SHISA9: variants seen among roughly 807,000 people sequenced by gnomAD.
The protein encoded by SHISA9 is shisa family member 9, also known as protein shisa-9.
SHISA9 carries 13 observed loss-of-function variants against 38.0 expected under a neutral mutation model. The observed-to-expected ratio is 0.34, with a 90% CI of 0.22 to 0.54. The LOEUF (loss-of-function observed/expected upper bound fraction) is 0.54, where lower values mean the gene tolerates loss of function less well. Among genes scored for constraint, SHISA9 ranks in the 20% least tolerant of loss-of-function variants. The pLI is 0.91. For missense variants in SHISA9, 538 were observed against 575.8 expected (o/e 0.93, Z 0.67); for synonymous variants, 275 against 242.0 (o/e 1.14, Z -1.27).
chr16:13,178,314 C>A (rs1046341678), intron 2 of SHISA9, among the ~76,000 whole-genome samples: 1 of 151,286 alleles, frequency 6.6e-6, no homozygotes, highest in East Asian at 1.9e-4. Flanking sequence ...GTAAGCCCAT[C>A]CCTCTCTCTG....
chr16:13,519,103 GAGAA>G, the SHISA9 span, among the ~76,000 whole-genome samples: 2 of 151,896 alleles, frequency 1.3e-5, no homozygotes, highest in African/African-American at 2.4e-5. Context: ...TCACAAAAAA[GAGAA>G]AGAAAAAAAC....
chr16:13,435,094 C>T, the SHISA9 span, among the ~76,000 whole-genome samples: 2 of 152,200 alleles, frequency 1.3e-5, no homozygotes, highest in South Asian at 4.1e-4. Context: ...TTTACTGAAT[C>T]CATTATGTTA....
At chr16:13,330,912 G>A in the SHISA9 span, among the ~76,000 whole-genome samples, 32 of 152,282 alleles carry the variant, frequency 2.1e-4, no homozygotes, top group South Asian at 3.7e-3. Flanking sequence ...TGTACAGTGT[G>A]TAAGACAGAT....
chr16:13,158,512 A>G (rs2050566722), intron 2 of SHISA9, among the ~76,000 whole-genome samples: 1 of 152,138 alleles, frequency 6.6e-6, no homozygotes, highest in South Asian at 2.1e-4. Flanking sequence ...TGCGCACTGG[A>G]TATTGCCGCA....
chr16:13,276,398 G>A, the SHISA9 span, among the ~76,000 whole-genome samples: 5 of 152,014 alleles, frequency 3.3e-5, no homozygotes, highest in South Asian at 2.1e-4. Flanking sequence ...TATCTTTTTC[G>A]TATAATGACT....
chr16:13,190,271 C>T (rs1465942728), intron 2 of SHISA9, among the ~76,000 whole-genome samples: 1 of 150,344 alleles, frequency 6.7e-6, no homozygotes, highest in Non-Finnish European at 1.5e-5. Context: ...TGATATTCCC[C>T]TTCCTGTGTC....
At chr16:13,070,654 T>C (rs1239620381) in intron 2 of SHISA9, among the ~76,000 whole-genome samples, 4 of 152,374 alleles carry the variant, frequency 2.6e-5, no homozygotes, top group Non-Finnish European at 4.4e-5. Context: ...AGGACAATCA[T>C]AGCTAACACC....
chr16:13,175,213 A>AG (rs1555468176), intron 2 of SHISA9, among the ~76,000 whole-genome samples: 1 of 151,850 alleles, frequency 6.6e-6, no homozygotes, highest in African/African-American at 2.4e-5. Context: ...CAAAAAAAAA[A>AG]GAAAGAAAAA....
intron 2 of SHISA9, among the ~76,000 whole-genome samples, chr16:12,926,170 G>T (rs1221742374): frequency 1.3e-5 from 2 of 152,160 alleles, no homozygotes; most frequent in Non-Finnish European, 2.9e-5. Context: ...TCAAACCACA[G>T]ACATGAACTA....
intron 4 of SHISA9, among the ~76,000 whole-genome samples, chr16:13,228,091 A>G (rs2051296625): frequency 6.6e-6 from 1 of 152,216 alleles, no homozygotes. Context: ...GGTTAATATT[A>G]TCCCCATTTC....
At chr16:13,248,547 C>T in the SHISA9 span, among the ~76,000 whole-genome samples, 2 of 152,106 alleles carry the variant, frequency 1.3e-5, no homozygotes, top group Non-Finnish European at 2.9e-5. Context: ...ATTTTCAGAG[C>T]CTAGTTTTTC....
At chr16:12,957,195 C>T (rs1051233345) in intron 2 of SHISA9, among the ~76,000 whole-genome samples, 1 of 152,184 alleles carries the variant, frequency 6.6e-6, no homozygotes, top group African/African-American at 2.4e-5. Flanking sequence ...TGACATTCTT[C>T]TCTAGCAATG....
At chr16:13,309,194 G>A in the SHISA9 span, among the ~76,000 whole-genome samples, 1 of 152,054 alleles carries the variant, frequency 6.6e-6, no homozygotes, top group African/African-American at 2.4e-5. Context: ...GGGCCAGGGG[G>A]TAATGTTGGG....
chr16:12,994,669 A>G (rs147926345), intron 2 of SHISA9, among the ~76,000 whole-genome samples: 2 of 152,320 alleles, frequency 1.3e-5, no homozygotes, highest in African/African-American at 4.8e-5. Flanking sequence ...GTATCCAACC[A>G]CTAAGATTTC....
intron 2 of SHISA9, among the ~76,000 whole-genome samples, chr16:12,990,180 A>T (rs2072366499): frequency 6.6e-6 from 1 of 152,266 alleles, no homozygotes; most frequent in South Asian, 2.1e-4. Context: ...CCAGTCTGTC[A>T]TTGATGGGCA....
chr16:12,971,055 C>A (rs561330665), intron 2 of SHISA9, among the ~76,000 whole-genome samples: 37 of 152,234 alleles, frequency 2.4e-4, no homozygotes, highest in African/African-American at 8.7e-4. Context: ...AGGAGAAGAA[C>A]CAGGAAATCT....
chr16:13,326,899 C>G, the SHISA9 span, among the ~76,000 whole-genome samples: 3 of 152,048 alleles, frequency 2.0e-5, no homozygotes, highest in Non-Finnish European at 4.4e-5. Context: ...TCTCTCCTCT[C>G]TGTGCCTTAT....
chr16:12,928,314 T>TGTTGTGTGTG (rs142507427), intron 2 of SHISA9, among the ~76,000 whole-genome samples: 7 of 150,934 alleles, frequency 4.6e-5, no homozygotes, highest in Non-Finnish European at 1.0e-4. Flanking sequence ...CAGAGGTTGG[T>TGTTGTGTGTG]TGTGTGTGTG....
chr16:13,275,548 T>C, the SHISA9 span, among the ~76,000 whole-genome samples: 1 of 152,108 alleles, frequency 6.6e-6, no homozygotes. Context: ...GTGTGTAATT[T>C]TGATTTCAGA....
Sources: gnomAD v4.1 joint callset for allele counts (sites outside exome capture counted in the v4.1 genomes callset) on GRCh38, gnomAD v4.1.1 for gene constraint, MANE v1.5 for transcripts, NCBI Gene and HGNC (gene_info 2026-07-23, HGNC 2026-07-21) for gene names.